The following LCA5L variants were observed in gnomAD, a reference collection of about 807,000 sequenced individuals.
LCA5L encodes the protein lebercilin LCA5 like, also known as lebercilin-like protein.
In LCA5L, 35 loss-of-function variants were observed where a neutral mutation model predicts 45.4. The ratio of observed to expected loss-of-function variants is 0.77; its 90% CI spans 0.59 to 1.02. The LOEUF (loss-of-function observed/expected upper bound fraction) is 1.02, where lower values mean the gene tolerates loss of function less well. LCA5L is among the 50% of genes least tolerant of loss of function. The probability of loss-of-function intolerance (pLI) is 0.00; values close to 1 mark genes in which losing one functional copy is unlikely to be tolerated. For missense variants in LCA5L, 668 were observed against 761.6 expected (o/e 0.88, Z 1.45); for synonymous variants, 233 against 264.7 (o/e 0.88, Z 1.16).
At position 39,412,077 on chromosome 21, in the gene LCA5L, G is replaced by T. The variant is rs77995104; in HGVS notation, c.976-275C>A. On this transcript the variant is annotated intron_variant, in intron 7 of 10. Coordinates refer to ENST00000288350, the MANE Select transcript of LCA5L (RefSeq NM_152505.4). ...GTTTTCCTTCTGTCCTGTGGGCCTT[G>T]AAGTTTATGAAATATTCTTCTGTAC... Among the ~76,000 whole-genome samples the T allele has an allele frequency of 2.1e-3, 320 of 152,302 alleles. 1 individual carries two copies. Among genetic ancestry groups the T allele is most frequent in the Middle Eastern group, 3.4e-3 (1 of 294 alleles).
intron 10 of LCA5L, among the ~76,000 whole-genome samples, chr21:39,408,890 A>C (rs1052654081): frequency 3.9e-5 from 6 of 152,172 alleles, no homozygotes; most frequent in African/African-American, 1.2e-4. Flanking sequence ...TCTTTATTCA[A>C]AAGTGGTAAT....
intron 3 of LCA5L, among the ~76,000 whole-genome samples, chr21:39,430,384 C>T (rs542249898): frequency 6.6e-6 from 1 of 152,284 alleles, no homozygotes; most frequent in Admixed American, 6.5e-5. Flanking sequence ...TGGATAAAGG[C>T]TTAATTCAAG....
chr21:39,445,191 G>A (rs542545248), intron 1 of LCA5L, among the ~76,000 whole-genome samples: 1 of 130,462 alleles, frequency 7.7e-6, no homozygotes, highest in African/African-American at 2.7e-5. Flanking sequence ...AGAGCCCCGA[G>A]GCTGGGTGAG....
At chr21:39,411,128 C>G (rs913247682) in intron 8 of LCA5L, 17 of 322,792 alleles carry the variant, frequency 5.3e-5, no homozygotes, top group Non-Finnish European at 9.1e-5. Context: ...AAGGGTGCAG[C>G]TGTGGGATTC....
intron 5 of LCA5L, 102 bp downstream of exon 5, chr21:39,428,070 G>T: frequency 2.9e-6 from 2 of 692,418 alleles, no homozygotes; most frequent in Non-Finnish European, 5.1e-6. Flanking sequence ...TACAATATGG[G>T]AAAACAATAA....
intron 5 of LCA5L, among the ~76,000 whole-genome samples, chr21:39,424,982 G>A (rs1233354862): frequency 6.6e-6 from 1 of 152,218 alleles, no homozygotes; most frequent in South Asian, 2.1e-4. Context: ...TGGTGAGACA[G>A]AGCCCATTGT....
Position 39,410,113 on chromosome 21 carries a change from C to G in LCA5L, c.1165-17G>C, listed in dbSNP as rs1322946969. ...CTTTTTACCCTGTAATTTAGAAAAG[C>G]AGCAAAAACACATTTTGGGGGGTCT... On this transcript the variant is annotated splice_polypyrimidine_tract_variant and intron_variant, in intron 9 of 10. Coordinates refer to ENST00000288350, the MANE Select transcript of LCA5L (RefSeq NM_152505.4). 5 of 1,533,370 alleles carry G rather than the reference C, an allele frequency of 3.3e-6. No homozygotes were observed. Among genetic ancestry groups the G allele is most frequent in the African/African-American group, 1.4e-5 (1 of 73,128 alleles). The allele number at this position is 1,533,370 out of a possible 1,614,324, so 95.0% of individuals were successfully genotyped here.
At chr21:39,438,856 G>A (rs116403633) in intron 2 of LCA5L, 3 of 151,698 alleles carry the variant, frequency 2.0e-5, no homozygotes, top group Admixed American at 6.6e-5. Context: ...TCTAAGATAC[G>A]TTCATTTTCC....
Position 39,406,193 on chromosome 21 carries a change from C to T in LCA5L, c.1702G>A (p.Glu568Lys), listed in dbSNP as rs752919914. Residue 568 changes from glutamate to lysine, a missense_variant, in exon 11 of 11, where the codon GAG becomes AAG. Glu to Lys is a moderately conservative substitution (Grantham distance 56, BLOSUM62 1). Transcript: ENST00000288350. ...HLSNREEMELEHSDSGYEPSF... is the reference protein window; with the variant it reads ...HLSNREEMELKHSDSGYEPSF... ...GGCTCATACCCACTGTCAGAATGCT[C>T]TAGCTCCATTTCCTCTCTGTTACTG... The T allele has an allele frequency of 6.8e-6, 11 of 1,614,126 alleles. No individual in the cohort carries two copies. The African/African-American group carries it at 8.0e-5, about 12-fold the overall frequency.
chr21:39,427,644 C>T (rs112256155), intron 5 of LCA5L: 1 of 145,524 alleles, frequency 6.9e-6, no homozygotes, highest in African/African-American at 2.6e-5. Flanking sequence ...CCTGGGTAAC[C>T]AGAGCAAGAC....
chr21:39,428,471 T>C lies in LCA5L; in HGVS notation c.23A>G (p.Lys8Arg), dbSNP rs1256164510. The C allele has an allele frequency of 6.2e-7, 1 of 1,606,742 alleles. No homozygotes were observed. Among genetic ancestry groups the C allele is most frequent in the African/African-American group, 1.3e-5 (1 of 74,326 alleles). MSLADLT[K>R]TNIDEHFFGV... ...GAAGAAATGCTCATCTATATTTGTT[T>C]TTGTTAGATCAGCCAAAGACATAGC... Residue 8 changes from lysine (K) to arginine (R), a missense_variant, in exon 5 of 11, where the codon AAA becomes AGA. Physicochemically the swap from Lys to Arg is conservative, Grantham distance 26. Transcript: ENST00000288350.
rs2039755617 is a variant in LCA5L at position 39,409,733 on chromosome 21, C to T, written c.1282+246G>A. ...TCAGCCTCCTGAGTAGCTGGGATTA[C>T]AGGCACATACCGCCATGTGCGGTTA... On this transcript the variant is annotated intron_variant, in intron 10 of 10. Transcript: ENST00000288350. The surrounding 1 kb of genome is among the most constrained non-coding windows in gnomAD (Gnocchi z 4.2). Among the ~76,000 whole-genome samples, 1 of 152,160 alleles carries T rather than the reference C, an allele frequency of 6.6e-6. No individual in the cohort carries two copies. The highest frequency in any genetic ancestry group is 1.5e-5 in the Non-Finnish European group (1 of 68,032).
rs922555119 is a variant in LCA5L, at chr21:39,409,817, C to G, written c.1282+162G>C. ...CCATGTTGGCCAGGCTGGTCTCAAA[C>G]TCTTGACCTCAGGTGATCTGCCTGC... On this transcript the variant is annotated intron_variant, in intron 10 of 10. Coordinates refer to ENST00000288350, the MANE Select transcript of LCA5L (RefSeq NM_152505.4). The surrounding 1 kb of genome is among the most constrained non-coding windows in gnomAD (Gnocchi z 4.2). Among the ~76,000 whole-genome samples, 1 of 152,198 alleles carries G rather than the reference C, an allele frequency of 6.6e-6. No individual in the cohort carries two copies. The highest frequency in any genetic ancestry group is 6.5e-5 in the Admixed American group (1 of 15,284).
At chr21:39,414,724 CT>C (rs1259066439) in intron 7 of LCA5L, among the ~76,000 whole-genome samples, 1 of 111,404 alleles carries the variant, frequency 9.0e-6, no homozygotes, top group African/African-American at 3.7e-5. Context: ...CTCTCTCTCT[CT>C]CTCTCTCTCT....
chr21:39,431,480 G>C (rs1176065713), intron 3 of LCA5L, among the ~76,000 whole-genome samples: 1 of 151,072 alleles, frequency 6.6e-6, no homozygotes. Context: ...TTTTTTTTTT[G>C]TTGGTGGAAT....
chr21:39,420,751 G>C lies in LCA5L; in HGVS notation c.930C>G (p.Thr310=), dbSNP rs2042162587. The C allele has an allele frequency of 6.2e-7, 1 of 1,613,422 alleles. No homozygotes were observed. The highest frequency in any genetic ancestry group is 8.5e-7 in the Non-Finnish European group (1 of 1,179,456). Residue 310 remains threonine, a synonymous_variant, in exon 7 of 11, where the codon ACC becomes ACG. Coordinates refer to ENST00000288350, the MANE Select transcript of LCA5L (RefSeq NM_152505.4). ...GTTTTACTTCCACCTGCAGAGTCTT[G>C]GTAGCTGTCTGAGCTGCTAAAGTCT... ...TRKTLAAQTA[T]KTLQVEVKHL...
At chr21:39,438,338 C>T (rs956773158) in intron 2 of LCA5L, among the ~76,000 whole-genome samples, 5 of 151,912 alleles carry the variant, frequency 3.3e-5, no homozygotes, top group South Asian at 2.1e-4. Flanking sequence ...ACTAAAATGA[C>T]GGTTAGATGG....
At chr21:39,418,889 T>C (rs1288398369) in intron 7 of LCA5L, among the ~76,000 whole-genome samples, 1 of 152,162 alleles carries the variant, frequency 6.6e-6, no homozygotes, top group Non-Finnish European at 1.5e-5. Context: ...CCCAATTGTG[T>C]CTCCATATGT....
rs779475051 is a variant in LCA5L, at chr21:39,405,899, T to G, written c.1996A>C (p.Arg666=). The G allele has an allele frequency of 1.9e-6, 3 of 1,583,000 alleles. No homozygotes were observed. The highest frequency in any genetic ancestry group is 1.8e-5 in the Admixed American group (1 of 56,184). The change falls in exon 11 of 11, where the codon AGA becomes CGA. Residue 666 remains arginine, a synonymous_variant. Coordinates refer to ENST00000288350, the MANE Select transcript of LCA5L (RefSeq NM_152505.4). ...GATTATATTTAAATAATTATTTTTC[T>G]TTTTCCTTCTGTAGGTGACGATGGC... ...IKPSSPTEGK[R]KIII
Sources: gnomAD v4.1 joint callset for allele counts (sites outside exome capture counted in the v4.1 genomes callset) on GRCh38, gnomAD v4.1.1 for gene constraint, Gnocchi (gnomAD v3.1) non-coding constraint, MANE v1.5 for transcripts, NCBI Gene and HGNC (gene_info 2026-07-23, HGNC 2026-07-21) for gene names.